The following CNGB3 variants were observed in gnomAD, a reference collection of about 807,000 sequenced individuals.
CNGB3 encodes the protein cyclic nucleotide-gated channel beta-3.
In CNGB3, 86 loss-of-function variants were observed where a neutral mutation model predicts 92.8. That is an observed-to-expected ratio of 0.93 (90% CI 0.78 to 1.11). The LOEUF is 1.11. Ranked by LOEUF, CNGB3 falls within the 50% of genes least tolerant of loss-of-function variation. The probability of loss-of-function intolerance (pLI) is 0.00; values close to 1 mark genes in which losing one functional copy is unlikely to be tolerated. For missense variants in CNGB3, 1,026 were observed against 956.8 expected, an observed-to-expected ratio of 1.07 and a Z score of -0.95; for synonymous variants, 333 against 332.7, an observed-to-expected ratio of 1.00 and a Z score of -0.01.
intron 3 of CNGB3, among the ~76,000 whole-genome samples, chr8:86,706,056 G>T (rs1824645606): frequency 6.6e-6 from 1 of 152,182 alleles, no homozygotes; most frequent in South Asian, 2.1e-4. Flanking sequence ...AATTGTAGTT[G>T]CTTATATAAA....
At chr8:86,674,096 T>C (rs933429495) in intron 3 of CNGB3, among the ~76,000 whole-genome samples, 1 of 152,248 alleles carries the variant, frequency 6.6e-6, no homozygotes, top group Non-Finnish European at 1.5e-5. Flanking sequence ...CCTTAGTTGA[T>C]GTGCCTGAGT....
At chr8:86,639,625 G>A (rs1205085045) in intron 10 of CNGB3, among the ~76,000 whole-genome samples, 1 of 151,928 alleles carries the variant, frequency 6.6e-6, no homozygotes, top group Non-Finnish European at 1.5e-5. Flanking sequence ...TTAAAAAATA[G>A]GTAATTATTG....
chr8:86,578,900 T>C lies in CNGB3; in HGVS notation c.1929-37A>G, dbSNP rs746552481. ...AGAGAAAAGCTGTTTTAGGTAACTC[T>C]GTGAGAGTTCTGGCAAAATCTACTA... On this transcript the variant is annotated intron_variant, in intron 16 of 17. Transcript: ENST00000320005. 8 of 1,613,650 alleles carry C rather than the reference T, an allele frequency of 5.0e-6. No homozygotes were observed. In the South Asian group the frequency reaches 8.8e-5, roughly 18 times the overall value.
intron 6 of CNGB3, among the ~76,000 whole-genome samples, chr8:86,655,986 T>A (rs371688969): frequency 1.1e-4 from 17 of 152,306 alleles, no homozygotes; most frequent in African/African-American, 3.6e-4. Flanking sequence ...TGCTGCTTGA[T>A]CAATGTTAAA....
At chr8:86,631,407 T>C (rs1018840260) in intron 11 of CNGB3, among the ~76,000 whole-genome samples, 1 of 152,166 alleles carries the variant, frequency 6.6e-6, no homozygotes, top group Non-Finnish European at 1.5e-5. Flanking sequence ...TTTACTGTTA[T>C]TATCAGTGTT....
At chr8:86,713,709 A>C (rs1824793373) in intron 3 of CNGB3, among the ~76,000 whole-genome samples, 1 of 152,190 alleles carries the variant, frequency 6.6e-6, no homozygotes, top group Non-Finnish European at 1.5e-5. Flanking sequence ...TTGGAGGTTA[A>C]AAATTCTGTT....
chr8:86,665,897 AT>A (rs1823732216), intron 6 of CNGB3, among the ~76,000 whole-genome samples: 1 of 152,174 alleles, frequency 6.6e-6, no homozygotes, highest in Non-Finnish European at 1.5e-5. Flanking sequence ...TAAAATAAAA[AT>A]TGGGGAAAAA....
At chr8:86,735,757 T>C (rs184852196) in intron 2 of CNGB3, among the ~76,000 whole-genome samples, 1 of 152,312 alleles carries the variant, frequency 6.6e-6, no homozygotes, top group African/African-American at 2.4e-5. Flanking sequence ...TATTGCAAGA[T>C]CCTTAGTAAC....
At chr8:86,598,731 C>T (rs955790871) in intron 15 of CNGB3, among the ~76,000 whole-genome samples, 2 of 152,142 alleles carry the variant, frequency 1.3e-5, no homozygotes, top group African/African-American at 4.8e-5. Flanking sequence ...GTCTTCTCCT[C>T]TTATGTCTTT....
At chr8:86,591,655 G>T (rs1359016735) in intron 15 of CNGB3, among the ~76,000 whole-genome samples, 12 of 152,230 alleles carry the variant, frequency 7.9e-5, no homozygotes. Context: ...GCTGCTCAGG[G>T]GTCAGGGGTG....
intron 2 of CNGB3, 108 bp from the exon 3 acceptor site, chr8:86,726,765 C>A: frequency 8.0e-7 from 1 of 1,257,202 alleles, no homozygotes; most frequent in Non-Finnish European, 1.2e-6. Flanking sequence ...GAATAGTCTT[C>A]TCAAGAACAC....
At chr8:86,646,493 A>G (rs944006142) in intron 8 of CNGB3, among the ~76,000 whole-genome samples, 3 of 151,166 alleles carry the variant, frequency 2.0e-5, no homozygotes, top group African/African-American at 4.8e-5. Flanking sequence ...TTTTTCCGCC[A>G]TGCTAATTCT....
chr8:86,690,389 G>A (rs537295146), intron 3 of CNGB3, among the ~76,000 whole-genome samples: 16 of 152,146 alleles, frequency 1.1e-4, no homozygotes, highest in African/African-American at 2.4e-4. Context: ...CATATCCTTC[G>A]CCCACTTTTT....
intron 3 of CNGB3, among the ~76,000 whole-genome samples, chr8:86,712,305 G>T (rs1001034836): frequency 5.9e-5 from 9 of 151,884 alleles, no homozygotes; most frequent in African/African-American, 2.2e-4. Context: ...TATTTTTTAG[G>T]TAGTAAAGTT....
chr8:86,693,598 C>G (rs1234256983), intron 3 of CNGB3, among the ~76,000 whole-genome samples: 2 of 150,198 alleles, frequency 1.3e-5, no homozygotes, highest in Admixed American at 6.7e-5. Flanking sequence ...TGCGGCCTTC[C>G]GCAGTGTTTG....
chr8:86,734,870 A>C (rs903853045), intron 2 of CNGB3, among the ~76,000 whole-genome samples: 1 of 152,046 alleles, frequency 6.6e-6, no homozygotes, highest in Admixed American at 6.6e-5. Context: ...AATGCTTTAC[A>C]TATATTAACT....
At chr8:86,726,190 A>T (rs1275191590) in intron 3 of CNGB3, among the ~76,000 whole-genome samples, 5 of 152,166 alleles carry the variant, frequency 3.3e-5, no homozygotes, top group African/African-American at 1.2e-4. Flanking sequence ...AGCTTGGAAA[A>T]TTTTCATCAT....
chr8:86,636,134 A>C (rs981387032), intron 10 of CNGB3, among the ~76,000 whole-genome samples: 4 of 152,018 alleles, frequency 2.6e-5, no homozygotes, highest in African/African-American at 2.4e-5. Context: ...ATTTATCAAT[A>C]AAACCTTCTT....
chr8:86,647,860 C>G lies in CNGB3; in HGVS notation c.931G>C (p.Asp311His), dbSNP rs1249869307. ...AACCCAAAGAAGAGGTAGCAAATAT[C>G]AAATGGTATTATTGATGCGACATCC... ...QLDVASIIPFDICYLFFGFNP... is the reference protein window; with the variant it reads ...QLDVASIIPFHICYLFFGFNP... The change falls in exon 8 of 18, where the codon GAT becomes CAT. Residue 311 changes from aspartate to histidine, a missense_variant. Physicochemically the swap from Asp to His is moderately conservative, Grantham distance 81. Coordinates refer to ENST00000320005, the MANE Select transcript of CNGB3 (RefSeq NM_019098.5). The G allele has an allele frequency of 6.3e-7, 1 of 1,598,468 alleles. No homozygotes were observed. The highest frequency in any genetic ancestry group is 8.6e-7 in the Non-Finnish European group (1 of 1,166,724).
Sources: allele counts gnomAD v4.1 joint callset (sites outside exome capture counted in the v4.1 genomes callset), GRCh38; gene constraint gnomAD v4.1.1; transcripts MANE v1.5; gene names NCBI Gene and HGNC (gene_info 2026-07-23, HGNC 2026-07-21).